Variants in PCDH10 observed in about 807,000 individuals in gnomAD.
PCDH10 encodes protocadherin 10.
PCDH10 carries 15 observed loss-of-function variants against 74.4 expected under a neutral mutation model. The observed-to-expected ratio is 0.20, with a 90% confidence interval of 0.13 to 0.31. PCDH10 has a LOEUF of 0.31. Among genes scored for constraint, PCDH10 ranks in the 10% least tolerant of loss-of-function variants. The probability of loss-of-function intolerance (pLI) is 1.00; values close to 1 mark genes in which losing one functional copy is unlikely to be tolerated. For missense variants in PCDH10, 1,260 were observed against 1,390.2 expected (o/e 0.91, Z 1.49); for synonymous variants, 619 against 589.8 (o/e 1.05, Z -0.72).
chr4:133,174,418 T>C (rs1474974821), intron 4 of PCDH10, among the ~76,000 whole-genome samples: 1 of 151,968 alleles, frequency 6.6e-6, no homozygotes, highest in African/African-American at 2.4e-5. Flanking sequence ...GGAAAACTTA[T>C]GTTGGCTAAA....
Position 133,149,353 on chromosome 4 carries a change from A to C in PCDH10, c.-788A>C, listed in dbSNP as rs1323280097. 2 of 152,508 alleles carry C rather than the reference A, an allele frequency of 1.3e-5. No homozygotes were observed. Among genetic ancestry groups the C allele is most frequent in the Non-Finnish European group, 2.9e-5 (2 of 68,236 alleles). 9.4% of individuals were successfully genotyped at this position (152,508 alleles called of 1,614,324 possible). ...TGAAGCAGGAGGAAGGAAGGACTGGAAGGAAAAAGAGACAGGTTAGAGGGA... is the reference window on the plus strand; with the variant it reads ...TGAAGCAGGAGGAAGGAAGGACTGGCAGGAAAAAGAGACAGGTTAGAGGGA... On this transcript the variant is annotated 5_prime_UTR_variant, in exon 1 of 5. Coordinates refer to ENST00000264360, the MANE Select transcript of PCDH10 (RefSeq NM_032961.3).
intron 4 of PCDH10, among the ~76,000 whole-genome samples, chr4:133,182,773 CTGG>C: frequency 6.6e-6 from 1 of 152,086 alleles, no homozygotes; most frequent in African/African-American, 2.4e-5. Context: ...CAAATAGAGC[CTGG>C]TATGGTGGCC....
chr4:133,180,159 C>A (rs1727384274), intron 4 of PCDH10, among the ~76,000 whole-genome samples: 1 of 152,014 alleles, frequency 6.6e-6, no homozygotes, highest in Non-Finnish European at 1.5e-5. Context: ...CACCATCACT[C>A]CCTGCTAATT....
At chr4:133,153,550 T>C (rs1408351291) in intron 1 of PCDH10, 1 of 152,262 alleles carries the variant, frequency 6.6e-6, no homozygotes, top group Non-Finnish European at 1.5e-5. Context: ...ATAAAAGAAT[T>C]TGGCTTGTCA....
chr4:133,181,633 G>A (rs935019625), intron 4 of PCDH10, among the ~76,000 whole-genome samples: 1 of 151,896 alleles, frequency 6.6e-6, no homozygotes, highest in African/African-American at 2.4e-5. Flanking sequence ...TGTAGTCTTG[G>A]TGCTTTAGTG....
chr4:133,177,993 T>C (rs1446024416), intron 4 of PCDH10, among the ~76,000 whole-genome samples: 2 of 152,142 alleles, frequency 1.3e-5, no homozygotes, highest in Non-Finnish European at 2.9e-5. Context: ...AAGGGCATTC[T>C]AGGAGCAGGA....
chr4:133,163,818 T>C lies in PCDH10; in HGVS notation c.3103+536T>C, dbSNP rs1003385565. On this transcript the variant is annotated intron_variant, in intron 4 of 4. Transcript: ENST00000264360. ...AAGCTAGAACGAAAGATGAGACAGA[T>C]TGTAGATATGTCATTTCTTTTATGA... is the stretch of plus-strand genomic sequence containing the variant. The C allele has an allele frequency of 1.3e-5, 5 of 392,104 alleles. No homozygotes were observed. The Admixed American group carries it at 1.7e-4, about 14-fold the overall frequency. 24.3% of individuals were successfully genotyped at this position (392,104 alleles called of 1,614,324 possible).
rs777001535 is a variant in PCDH10, at chr4:133,152,319, T to C, written c.2179T>C (p.Phe727Leu). Residue 727 changes from phenylalanine to leucine, a missense_variant, in exon 1 of 5, where the codon TTC becomes CTC. Phe to Leu is a conservative substitution (Grantham distance 22, BLOSUM62 0). Transcript: ENST00000264360. ...ILIIALGSVS[F>L]IFLLAMIVLA... ...CATCATCGCGTTGGGCTCGGTGTCC[T>C]TCATCTTCCTGCTGGCCATGATCGT... The C allele has an allele frequency of 2.5e-5, 40 of 1,614,042 alleles. 1 individual carries two copies. The South Asian group carries it at 4.1e-4, about 16-fold the overall frequency.
In PCDH10 at chr4:133,150,080, G is replaced by A; in HGVS notation, c.-61G>A. 5.5e-6 allele frequency: 8 copies of A among 1,446,194 alleles called. No individual in the cohort carries two copies. Among genetic ancestry groups the A allele is most frequent in the Non-Finnish European group, 7.3e-6 (8 of 1,096,594 alleles). The allele number at this position is 1,446,194 out of a possible 1,614,324, so 89.6% of individuals were successfully genotyped here. A position where few individuals can be genotyped will look rare whatever the true frequency, so the allele number is the denominator to read the frequency against. The stretch of plus-strand genomic sequence containing the variant: ...TTCAGATTTTTTTTTGTTTCGTGGT[G>A]GTGGGGGAGGTGATTGGGTGGCTGA... On this transcript the variant is annotated 5_prime_UTR_variant, in exon 1 of 5. Transcript: ENST00000264360.
rs1727755698 is a variant in PCDH10, at chr4:133,194,694, A to G, written c.*4534A>G. The G allele has an allele frequency of 6.6e-6, 1 of 151,992 alleles. No individual in the cohort carries two copies. The highest frequency in any genetic ancestry group is 1.5e-5 in the Non-Finnish European group (1 of 67,888). 9.4% of individuals were successfully genotyped at this position (151,992 alleles called of 1,614,324 possible). On this transcript the variant is annotated 3_prime_UTR_variant, in exon 5 of 5. Transcript: ENST00000264360. ...CAGTGGCAAATATGGCTCTAAGTTT[A>G]AAAACATCTAATGCTGATTTAGTAA...
intron 4 of PCDH10, among the ~76,000 whole-genome samples, chr4:133,181,354 C>G (rs987100708): frequency 2.6e-4 from 40 of 151,798 alleles, no homozygotes; most frequent in African/African-American, 9.4e-4. Flanking sequence ...ATATAGATAA[C>G]TTATTATACA....
rs1253782866 is a variant in PCDH10 at position 133,191,856 on chromosome 4, T to C, written c.*1696T>C. ...CAATGACAGTTTGAGCTGCACTGTGTTATTAAAGAATAGACTAAAACTTAA... is the reference window on the plus strand; with the variant it reads ...CAATGACAGTTTGAGCTGCACTGTGCTATTAAAGAATAGACTAAAACTTAA... On this transcript the variant is annotated 3_prime_UTR_variant, in exon 5 of 5. Transcript: ENST00000264360. The C allele has an allele frequency of 6.6e-6, 1 of 151,592 alleles. No homozygotes were observed. The highest frequency in any genetic ancestry group is 2.4e-5 in the African/African-American group (1 of 41,364). 9.4% of individuals were successfully genotyped at this position (151,592 alleles called of 1,614,324 possible). A position where few individuals can be genotyped will look rare whatever the true frequency, so the allele number is the denominator to read the frequency against.
intron 4 of PCDH10, among the ~76,000 whole-genome samples, chr4:133,164,885 CA>C (rs1395982169): frequency 1.3e-5 from 2 of 149,840 alleles, no homozygotes; most frequent in Non-Finnish European, 3.0e-5. Flanking sequence ...TGCTAAAAAT[CA>C]AAAGAATGCA....
intron 4 of PCDH10, among the ~76,000 whole-genome samples, chr4:133,182,645 G>A (rs533937022): frequency 6.6e-6 from 1 of 152,126 alleles, no homozygotes; most frequent in East Asian, 1.9e-4. Context: ...TGCAGAGAAA[G>A]ATATGTTATA....
At chr4:133,190,106 CT>C in intron 4 of PCDH10, 34 bp from the exon 5 acceptor site, 1 of 1,584,368 alleles carries the variant, frequency 6.3e-7, no homozygotes, top group Non-Finnish European at 8.7e-7. Context: ...AAGTCAACCT[CT>C]TTTTCTTAGA....
exon 3 of PCDH10, chr4:133,208,434 A>G (rs924472403): frequency 5.3e-5 from 8 of 152,130 alleles, no homozygotes; most frequent in Non-Finnish European, 1.0e-4. Context: ...TGATGTGGCC[A>G]TTTTCAAAAC....
intron 4 of PCDH10, among the ~76,000 whole-genome samples, chr4:133,165,200 C>T (rs1204688388): frequency 2.0e-5 from 3 of 150,556 alleles, no homozygotes; most frequent in Non-Finnish European, 3.0e-5. Flanking sequence ...TTTGGGTTGA[C>T]GTGTGACCTG....
At chr4:133,183,162 A>G (rs1394087888) in intron 4 of PCDH10, among the ~76,000 whole-genome samples, 1 of 152,098 alleles carries the variant, frequency 6.6e-6, no homozygotes, top group Non-Finnish European at 1.5e-5. Flanking sequence ...AGCACTCTTC[A>G]TTCATATAAT....
chr4:133,170,809 C>T (rs1727187447), intron 4 of PCDH10, among the ~76,000 whole-genome samples: 1 of 136,326 alleles, frequency 7.3e-6, no homozygotes, highest in Admixed American at 6.9e-5. Context: ...TTTCCTGCAT[C>T]AGCCTCCCGA....
Sources: gnomAD v4.1 joint callset for allele counts (sites outside exome capture counted in the v4.1 genomes callset) on GRCh38, gnomAD v4.1.1 for gene constraint, MANE v1.5 for transcripts, NCBI Gene and HGNC (gene_info 2026-07-23, HGNC 2026-07-21) for gene names.